The following U2SURP variants were observed in gnomAD, a reference collection of about 807,000 sequenced individuals.
The protein encoded by U2SURP is U2 snRNP-associated SURP motif-containing protein.
In U2SURP, 9 loss-of-function variants were observed where a neutral mutation model predicts 144.9. The observed-to-expected ratio is 0.06, with a 90% CI of 0.04 to 0.11. The LOEUF is 0.11. U2SURP is among the 10% of genes least tolerant of loss of function. The pLI is 1.00. For missense variants in U2SURP, 724 were observed against 1,226.7 expected, an observed-to-expected ratio of 0.59 and a Z score of 6.12; for synonymous variants, 408 against 396.8, an observed-to-expected ratio of 1.03 and a Z score of -0.33.
At position 143,028,633 on chromosome 3, in the gene U2SURP, G is replaced by A. The variant is rs1933294698; in HGVS notation, c.1597G>A (p.Ala533Thr). 1.2e-6 allele frequency: 2 copies of A among 1,601,626 alleles called. No individual in the cohort carries two copies. The highest frequency in any genetic ancestry group is 1.8e-5 in the Admixed American group (1 of 56,502). ...AFVEEPSKKG[A>T]LKEEQRDKLE... ...TGTAGAGGAACCTAGTAAAAAGGGA[G>A]CACTTAAGGAAGAGTAAGATATTTT... is the stretch of plus-strand genomic sequence containing the variant. Residue 533 changes from alanine (A) to threonine (T), a missense_variant, in exon 16 of 28, where the codon GCA (alanine) becomes ACA (threonine). Ala to Thr is a moderately conservative substitution (Grantham distance 58). Around this residue, in one of 13 missense-constraint regions of U2SURP, gnomAD observed 66 missense variants for 95.0 expected, o/e 0.69. Transcript: ENST00000473835.
chr3:143,056,436 A>C lies in U2SURP; in HGVS notation c.3076A>C (p.Lys1026Gln). ...ACACAGGTCTCATAAAAAGTCAAAG[A>C]AAAACAAACACTGACGTAAATTTTT... ...SPHRSHKKSK[K>Q]NKH Residue 1026 changes from lysine to glutamine, a missense_variant, in exon 28 of 28, where the codon AAA becomes CAA. Around this residue, in one of 13 missense-constraint regions of U2SURP, gnomAD observed 129 missense variants for 196.1 expected, o/e 0.66. Transcript: ENST00000473835. The C allele has an allele frequency of 6.2e-7, 1 of 1,612,342 alleles. No individual in the cohort carries two copies. The highest frequency in any genetic ancestry group is 2.2e-5 in the East Asian group (1 of 44,842).
chr3:143,010,182 C>G (rs1366689474), intron 1 of U2SURP, among the ~76,000 whole-genome samples: 1 of 152,146 alleles, frequency 6.6e-6, no homozygotes, highest in East Asian at 1.9e-4. Context: ...AGGTAGATCA[C>G]TTAAGAAAAG....
chr3:143,023,097 A>G (rs375518068), intron 12 of U2SURP, 33 bp downstream of exon 12: 2 of 1,503,622 alleles, frequency 1.3e-6, no homozygotes, highest in African/African-American at 2.8e-5. Flanking sequence ...GGCCGCATCT[A>G]ATTTGTAAAT....
chr3:143,005,003 T>A (rs1935762578), intron 1 of U2SURP, among the ~76,000 whole-genome samples: 1 of 152,216 alleles, frequency 6.6e-6, no homozygotes, highest in South Asian at 2.1e-4. Context: ...TGTTTTTGAC[T>A]GTCAATTGTT....
chr3:143,021,338 C>G lies in U2SURP; in HGVS notation c.734-12C>G, dbSNP rs1936622583. 6.3e-7 allele frequency: 1 copy of G among 1,585,712 alleles called. No individual in the cohort carries two copies. Among genetic ancestry groups the G allele is most frequent in the Admixed American group, 1.8e-5 (1 of 55,766 alleles). ...TAAAAACTAATAATTGTCTTCTTTT[C>G]TCCCCTTTAAGTGGACGCGCCTTCA... On this transcript the variant is annotated splice_polypyrimidine_tract_variant and intron_variant, in intron 8 of 27. Transcript: ENST00000473835.
rs866451869 is a variant in U2SURP, at chr3:143,058,291, C to G, written c.*1841C>G. Reference sequence around the variant, plus strand: ...AATAATTGGTCAGGTAATAATCTTTCCAGTCAAGTTGCAAGGGATGCTTAT... The same window carrying G: ...AATAATTGGTCAGGTAATAATCTTTGCAGTCAAGTTGCAAGGGATGCTTAT... On this transcript the variant is annotated 3_prime_UTR_variant, in exon 28 of 28. Transcript: ENST00000473835. The G allele has an allele frequency of 6.6e-6, 1 of 151,838 alleles. No homozygotes were observed. Among genetic ancestry groups the G allele is most frequent in the Non-Finnish European group, 1.5e-5 (1 of 67,828 alleles). The allele number at this position is 151,838 out of a possible 1,614,324, so 9.4% of individuals were successfully genotyped here. A position where few individuals can be genotyped will look rare whatever the true frequency, so the allele number is the denominator to read the frequency against.
intron 10 of U2SURP, 111 bp downstream of exon 10, chr3:143,021,666 A>T (rs990954253): frequency 1.8e-6 from 2 of 1,082,432 alleles, no homozygotes; most frequent in East Asian, 5.1e-5. Flanking sequence ...ATGGAATTGG[A>T]TAGTCTTTAG....
chr3:143,044,289 C>CTTTTTGTTTTTTTTTT (rs1934285374), intron 24 of U2SURP, among the ~76,000 whole-genome samples: 1 of 81,388 alleles, frequency 1.2e-5, no homozygotes, highest in African/African-American at 5.8e-5. Flanking sequence ...CTCCCCTCTC[C>CTTTTTGTTTTTTTTTT]TTTTTTTTTT....
rs1268918580 is a variant in U2SURP, at chr3:143,056,957, G to C, written c.*507G>C. The C allele has an allele frequency of 2.6e-5, 4 of 153,218 alleles. No individual in the cohort carries two copies. Among genetic ancestry groups the C allele is most frequent in the Non-Finnish European group, 5.8e-5 (4 of 68,464 alleles). The allele number at this position is 153,218 out of a possible 1,614,324, so 9.5% of individuals were successfully genotyped here. A position where few individuals can be genotyped will look rare whatever the true frequency, so the allele number is the denominator to read the frequency against. On this transcript the variant is annotated 3_prime_UTR_variant, in exon 28 of 28. Transcript: ENST00000473835. ...GCACTTTATAAGCCCCAGTGTTCAA[G>C]TAGCTTAAGTTTTATATTTACTAAG... is the stretch of plus-strand genomic sequence containing the variant.
At chr3:143,043,758 A>G (rs1051596760) in intron 24 of U2SURP, among the ~76,000 whole-genome samples, 5 of 150,870 alleles carry the variant, frequency 3.3e-5, no homozygotes, top group African/African-American at 9.8e-5. Context: ...TGTGTTATGT[A>G]CTGTGAGAAA....
intron 25 of U2SURP, among the ~76,000 whole-genome samples, chr3:143,052,400 A>AAAT (rs10678884): frequency 1 from 151,528 of 152,006 alleles, 75,527 homozygotes; most frequent in Middle Eastern, 1. Flanking sequence ...CTGTCTAAAA[A>AAAT]AATAATAATA....
chr3:143,054,829 C>A, intron 26 of U2SURP, 114 bp from the exon 27 acceptor site: 1 of 1,077,912 alleles, frequency 9.3e-7, no homozygotes, highest in Non-Finnish European at 1.3e-6. Flanking sequence ...AGTAACATTA[C>A]ATGGTTAGAA....
In U2SURP at chr3:143,048,873, A is replaced by G. The variant is rs540775775; in HGVS notation, c.2545-2066A>G. On this transcript the variant is annotated intron_variant, in intron 24 of 27. Coordinates refer to ENST00000473835, the MANE Select transcript of U2SURP (RefSeq NM_001080415.2). ...TGACAGCGTGAGACACCGTCTCAAA[A>G]AATAATTAATTAAAAAGTGAAAATA... Among the ~76,000 whole-genome samples, 7 of 152,282 alleles carry G rather than the reference A, an allele frequency of 4.6e-5. No homozygotes were observed. In the South Asian group the frequency reaches 1.2e-3, roughly 27 times the overall value.
chr3:143,038,860 C>T lies in U2SURP; in HGVS notation c.2318-34C>T, dbSNP rs1212152981. 6.1e-6 allele frequency: 9 copies of T among 1,484,692 alleles called. No homozygotes were observed. In the Admixed American group the frequency reaches 7.2e-5, roughly 12 times the overall value. 92.0% of individuals were successfully genotyped at this position (1,484,692 alleles called of 1,614,324 possible). On this transcript the variant is annotated intron_variant, in intron 22 of 27. Coordinates refer to ENST00000473835, the MANE Select transcript of U2SURP (RefSeq NM_001080415.2). ...CTACTGAAAAAATGCTAGTTTACCT[C>T]GTGGAATTACATCCTCCTTTTCCTT... is the stretch of plus-strand genomic sequence containing the variant.
chr3:143,002,819 A>C (rs1935606966), intron 1 of U2SURP, among the ~76,000 whole-genome samples: 1 of 152,226 alleles, frequency 6.6e-6, no homozygotes, highest in South Asian at 2.1e-4. Flanking sequence ...TGGTCTTAAC[A>C]GACATCGTTT....
chr3:143,032,386 A>C (rs1933553698), intron 16 of U2SURP, among the ~76,000 whole-genome samples: 1 of 152,128 alleles, frequency 6.6e-6, no homozygotes, highest in Non-Finnish European at 1.5e-5. Context: ...TTTCCTTTAC[A>C]GAAAAAATTA....
chr3:143,038,807 C>T (rs1385596006), intron 22 of U2SURP, 87 bp from the exon 23 acceptor site: 2 of 979,728 alleles, frequency 2.0e-6, no homozygotes, highest in Non-Finnish European at 2.9e-6. Flanking sequence ...ATAAACTTTT[C>T]AATTCTAAAG....
At chr3:143,053,626 C>G (rs1475568683) in intron 25 of U2SURP, 50 bp from the exon 26 acceptor site, 1 of 1,074,428 alleles carries the variant, frequency 9.3e-7, no homozygotes, top group African/African-American at 1.6e-5. Flanking sequence ...ATGAGATTAA[C>G]CCACATTGAT....
chr3:143,003,374 G>A (rs1578101598), intron 1 of U2SURP, among the ~76,000 whole-genome samples: 3 of 152,168 alleles, frequency 2.0e-5, no homozygotes, highest in Non-Finnish European at 4.4e-5. Flanking sequence ...TTCAAATCCT[G>A]ACTTGGTAAT....
Sources: allele counts gnomAD v4.1 joint callset (sites outside exome capture counted in the v4.1 genomes callset), GRCh38; gene constraint gnomAD v4.1.1; regional missense constraint gnomAD v4.1.1; transcripts MANE v1.5; gene names NCBI Gene and HGNC (gene_info 2026-07-23, HGNC 2026-07-21).